DLGAP2: variants seen among roughly 807,000 people sequenced by gnomAD.
The protein encoded by DLGAP2 is disks large-associated protein 2.
A neutral mutation model predicts 100.3 loss-of-function variants in DLGAP2; 26 were observed. That is an observed-to-expected ratio of 0.26 (90% CI 0.19 to 0.36). The LOEUF (loss-of-function observed/expected upper bound fraction) is 0.36, where lower values mean the gene tolerates loss of function less well. DLGAP2 is among the 10% of genes least tolerant of loss of function. The probability of loss-of-function intolerance (pLI) is 1.00; values close to 1 mark genes in which losing one functional copy is unlikely to be tolerated. For synonymous variants in DLGAP2, 886 were observed against 630.1 expected, an observed-to-expected ratio of 1.41 and a Z score of -6.08; for missense variants, 1,858 against 1,453.2, an observed-to-expected ratio of 1.28 and a Z score of -4.53.
chr8:1,213,562 T>C (rs984039245), intron 2 of DLGAP2, among the ~76,000 whole-genome samples: 1 of 152,170 alleles, frequency 6.6e-6, no homozygotes, highest in Non-Finnish European at 1.5e-5. Context: ...CTAAGATTGC[T>C]GGGTAGGTTT....
chr8:866,203 G>C (rs1004168065), intron 1 of DLGAP2, among the ~76,000 whole-genome samples: 1 of 152,130 alleles, frequency 6.6e-6, no homozygotes, highest in Non-Finnish European at 1.5e-5. Context: ...GACACCCCGC[G>C]CCTGGCCAGG....
chr8:1,618,383 TAA>T (rs1797225369), intron 6 of DLGAP2, among the ~76,000 whole-genome samples: 1 of 152,216 alleles, frequency 6.6e-6, no homozygotes, highest in African/African-American at 2.4e-5. Context: ...TGTGGTGCTC[TAA>T]GATAGACCAT....
intron 1 of DLGAP2, among the ~76,000 whole-genome samples, chr8:852,712 G>C (rs1186845042): frequency 1.3e-5 from 2 of 152,192 alleles, no homozygotes; most frequent in African/African-American, 4.8e-5. Flanking sequence ...TTTCTGTAAA[G>C]GGTAAAATAT....
At chr8:875,151 A>G (rs748969329) in intron 1 of DLGAP2, among the ~76,000 whole-genome samples, 1 of 152,168 alleles carries the variant, frequency 6.6e-6, no homozygotes, top group Non-Finnish European at 1.5e-5. Flanking sequence ...TTTAAAGTGT[A>G]TCTCCACTAG....
intron 2 of DLGAP2, among the ~76,000 whole-genome samples, chr8:1,077,916 A>G (rs945500386): frequency 6.6e-6 from 1 of 152,142 alleles, no homozygotes; most frequent in Non-Finnish European, 1.5e-5. Flanking sequence ...CGGCCGCCGC[A>G]CAGCCCTGAT....
rs193022515 is a variant in DLGAP2, at chr8:831,580, G to A, written c.19-76332G>A. 3.9e-3 allele frequency among the ~76,000 whole-genome samples: 590 copies of A among 152,278 alleles called. 4 individuals carry two copies. Among genetic ancestry groups the A allele is most frequent in the African/African-American group, 0.013 (551 of 41,556 alleles). ...TAATGGCTGCATAATATTCCATGGT[G>A]TATATGTGCCACATTTTCTTAATCT... On this transcript the variant is annotated intron_variant, in intron 1 of 14. Coordinates refer to ENST00000637795, the MANE Select transcript of DLGAP2 (RefSeq NM_001346810.2).
At chr8:1,441,625 T>G (rs1158469889) in intron 3 of DLGAP2, among the ~76,000 whole-genome samples, 1 of 147,464 alleles carries the variant, frequency 6.8e-6, no homozygotes, top group Non-Finnish European at 1.5e-5. Flanking sequence ...GAGGCGGAGG[T>G]TGCAGTGAGC....
At chr8:1,123,137 G>C (rs1796088677) in intron 2 of DLGAP2, among the ~76,000 whole-genome samples, 1 of 152,182 alleles carries the variant, frequency 6.6e-6, no homozygotes, top group Non-Finnish European at 1.5e-5. Flanking sequence ...TCGCTCAGAA[G>C]CTTGGAATGA....
chr8:1,329,772 A>G (rs952800236), intron 3 of DLGAP2, among the ~76,000 whole-genome samples: 3 of 152,180 alleles, frequency 2.0e-5, no homozygotes, highest in African/African-American at 7.2e-5. Context: ...TACCTGCCTG[A>G]GCCCAAGTTA....
At chr8:1,101,647 A>T (rs1439127584) in intron 2 of DLGAP2, among the ~76,000 whole-genome samples, 1 of 151,500 alleles carries the variant, frequency 6.6e-6, no homozygotes, top group African/African-American at 2.4e-5. Context: ...TGACACGACG[A>T]TGGGAAGGTC....
chr8:1,701,544 G>A lies in DLGAP2; in HGVS notation c.*138G>A. On this transcript the variant is annotated 3_prime_UTR_variant, in exon 15 of 15. Coordinates refer to ENST00000637795, the MANE Select transcript of DLGAP2 (RefSeq NM_001346810.2). ...CCGCGCTCCCCGCGCCCCGGACACA[G>A]CGGGACGCGGCCGGCGGCCTCAGAG... 1 of 934,534 alleles carries A rather than the reference G, an allele frequency of 1.1e-6. No homozygotes were observed. The highest frequency in any genetic ancestry group is 1.7e-5 in the African/African-American group (1 of 59,376). The allele number at this position is 934,534 out of a possible 1,614,324, so 57.9% of individuals were successfully genotyped here. A position where few individuals can be genotyped will look rare whatever the true frequency, so the allele number is the denominator to read the frequency against.
chr8:757,889 C>T (rs1249677232), intron 1 of DLGAP2, among the ~76,000 whole-genome samples: 3 of 152,236 alleles, frequency 2.0e-5, no homozygotes, highest in African/African-American at 4.8e-5. Context: ...TTCCCAAATG[C>T]GTCTTGTCTC....
intron 3 of DLGAP2, among the ~76,000 whole-genome samples, chr8:1,372,751 A>G (rs1176437186): frequency 6.6e-6 from 1 of 152,196 alleles, no homozygotes; most frequent in Non-Finnish European, 1.5e-5. Context: ...CCAGTGTTTC[A>G]TCATTAAACT....
intron 10 of DLGAP2, among the ~76,000 whole-genome samples, chr8:1,674,149 G>T (rs950657741): frequency 5.9e-5 from 9 of 152,200 alleles, no homozygotes; most frequent in African/African-American, 2.2e-4. Flanking sequence ...AGTGTCCTGG[G>T]CTCAAGTGAT....
chr8:1,019,619 G>A (rs1584982261), intron 2 of DLGAP2: 1 of 136,474 alleles, frequency 7.3e-6, no homozygotes, highest in Non-Finnish European at 1.6e-5. Context: ...CGTGATCTCT[G>A]TGGGGACTGT....
At chr8:847,748 C>T (rs568534274) in intron 1 of DLGAP2, among the ~76,000 whole-genome samples, 13 of 152,292 alleles carry the variant, frequency 8.5e-5, no homozygotes, top group African/African-American at 2.6e-4. Flanking sequence ...CTCAAGTGAT[C>T]CGCCTACCTC....
Position 1,149,511 on chromosome 8 carries a change from A to G in DLGAP2, c.74-109340A>G, listed in dbSNP as rs566491880. Reference sequence around the variant, plus strand: ...TAAAATCTACTTATCTGATTTTAGTATATATCAGTTTTCTTTGGGTTAATA... The same window carrying G: ...TAAAATCTACTTATCTGATTTTAGTGTATATCAGTTTTCTTTGGGTTAATA... On this transcript the variant is annotated intron_variant, in intron 2 of 14. Transcript: ENST00000637795. Among the ~76,000 whole-genome samples, 4 of 152,250 alleles carry G rather than the reference A, an allele frequency of 2.6e-5. No individual in the cohort carries two copies. In the South Asian group the frequency reaches 8.3e-4, roughly 32 times the overall value.
At chr8:1,683,174 T>C (rs1799002621) in intron 12 of DLGAP2, among the ~76,000 whole-genome samples, 1 of 151,652 alleles carries the variant, frequency 6.6e-6, no homozygotes, top group African/African-American at 2.4e-5. Flanking sequence ...GATAAAGTAC[T>C]TAAAAACTCA....
intron 3 of DLGAP2, among the ~76,000 whole-genome samples, chr8:1,264,806 T>G (rs1175971822): frequency 6.6e-6 from 1 of 152,166 alleles, no homozygotes. Flanking sequence ...GTCACTCCCA[T>G]AATCACCACG....
Sources: gnomAD v4.1 joint callset for allele counts (sites outside exome capture counted in the v4.1 genomes callset) on GRCh38, gnomAD v4.1.1 for gene constraint, MANE v1.5 for transcripts, NCBI Gene and HGNC (gene_info 2026-07-23, HGNC 2026-07-21) for gene names.